The following SMNDC1 variants were observed in gnomAD, a reference collection of about 807,000 sequenced individuals.
SMNDC1 encodes survival of motor neuron-related-splicing factor 30.
Under a neutral mutation model 29.2 loss-of-function variants are expected in SMNDC1, and 5 were observed. The ratio of observed to expected loss-of-function variants is 0.17; its 90% CI spans 0.09 to 0.36. The LOEUF is 0.36. SMNDC1 is among the 10% of genes least tolerant of loss of function. The pLI, the probability that SMNDC1 is intolerant of heterozygous loss-of-function variation, is 1.00. For synonymous variants in SMNDC1, 80 were observed against 89.9 expected (o/e 0.89, Z 0.62); for missense variants, 142 against 268.5 (o/e 0.53, Z 3.29).
chr10:110,302,159 CCT>C (rs1857660758), intron 2 of SMNDC1, among the ~76,000 whole-genome samples: 1 of 152,146 alleles, frequency 6.6e-6, no homozygotes. Context: ...GGTCGGTGTG[CCT>C]CTGTTGCCTC....
At chr10:110,303,323 C>T in intron 2 of SMNDC1, 145 bp downstream of exon 2, 1 of 615,616 alleles carries the variant, frequency 1.6e-6, no homozygotes, top group East Asian at 3.1e-5. Flanking sequence ...GGAAGCAACC[C>T]TACTTCTACA....
In SMNDC1 at chr10:110,292,545, T is replaced by G. The variant is rs1357829970; in HGVS notation, c.*1605A>C. On this transcript the variant is annotated 3_prime_UTR_variant, in exon 6 of 6. Transcript: ENST00000369603. ...AATCCATCAAGGCTACTCTTGATTA[T>G]TGATAAGCTCTTAAGATGTTACAAT... 6.6e-6 allele frequency: 1 copy of G among 152,222 alleles called. No homozygotes were observed. Among genetic ancestry groups the G allele is most frequent in the Non-Finnish European group, 1.5e-5 (1 of 68,036 alleles). The allele number at this position is 152,222 out of a possible 1,614,324, so 9.4% of individuals were successfully genotyped here. A position where few individuals can be genotyped will look rare whatever the true frequency, so the allele number is the denominator to read the frequency against.
At chr10:110,302,321 T>A (rs1467448557) in intron 2 of SMNDC1, among the ~76,000 whole-genome samples, 1 of 152,218 alleles carries the variant, frequency 6.6e-6, no homozygotes, top group East Asian at 1.9e-4. Context: ...CCCACAGGCC[T>A]GGCTTCTACG....
chr10:110,303,837 G>T (rs1001086216), intron 1 of SMNDC1: 6 of 401,022 alleles, frequency 1.5e-5, no homozygotes, highest in Non-Finnish European at 2.6e-5. Flanking sequence ...CAGATACAAA[G>T]AAATTTCTAA....
At chr10:110,299,446 G>A (rs990318555) in intron 2 of SMNDC1, among the ~76,000 whole-genome samples, 5 of 152,136 alleles carry the variant, frequency 3.3e-5, no homozygotes, top group Non-Finnish European at 5.9e-5. Context: ...GGGAAAAAAA[G>A]GTAACACACA....
intron 5 of SMNDC1, among the ~76,000 whole-genome samples, chr10:110,294,901 C>A (rs1857544031): frequency 6.6e-6 from 1 of 152,160 alleles, no homozygotes; most frequent in Admixed American, 6.5e-5. Flanking sequence ...ACCAGTGATG[C>A]CCAGCATGAA....
intron 5 of SMNDC1, among the ~76,000 whole-genome samples, chr10:110,295,003 G>GAT (rs1564732672): frequency 6.6e-6 from 1 of 152,160 alleles, no homozygotes; most frequent in Admixed American, 6.5e-5. Flanking sequence ...AAAGAACATA[G>GAT]ACCTTTTGTA....
In SMNDC1 at chr10:110,298,628, G is replaced by GTT; in HGVS notation, c.263+18_263+19dup. ...TTTATTATTTCATGTTATAGTTAGA[G>GTT]TTTTTTTTTCTACACTTACTGTCCA... On this transcript the variant is annotated intron_variant, in intron 3 of 5. Coordinates refer to ENST00000369603, the MANE Select transcript of SMNDC1 (RefSeq NM_005871.4). 1 of 1,542,332 alleles carries GTT rather than the reference G, an allele frequency of 6.5e-7. No homozygotes were observed.
Position 110,295,638 on chromosome 10 carries a change from CT to C in SMNDC1, c.426-258del, listed in dbSNP as rs34495271. 4.6e-3 allele frequency among the ~76,000 whole-genome samples: 653 copies of C among 142,114 alleles called. 3 individuals are homozygous for C. Among genetic ancestry groups the C allele is most frequent in the African/African-American group, 0.012 (451 of 38,796 alleles). 93.2% of individuals were successfully genotyped at this position (142,114 alleles called of 152,430 possible). Reference sequence around the variant, plus strand: ...TATAAGGTAAATATTTCAACTATGCCTTTTTTTTTTTTTTGGCGACAAAGTC... The same window carrying C: ...TATAAGGTAAATATTTCAACTATGCCTTTTTTTTTTTTTGGCGACAAAGTC... On this transcript the variant is annotated intron_variant, in intron 4 of 5. Coordinates refer to ENST00000369603, the MANE Select transcript of SMNDC1 (RefSeq NM_005871.4).
In SMNDC1 at chr10:110,303,638, G is replaced by C. The variant is rs572055704; in HGVS notation, c.1-51C>G. 2.0e-6 allele frequency: 3 copies of C among 1,532,166 alleles called. No individual in the cohort carries two copies. The Admixed American group carries it at 7.5e-5, about 38-fold the overall frequency. 94.9% of individuals were successfully genotyped at this position (1,532,166 alleles called of 1,614,324 possible). On this transcript the variant is annotated intron_variant, in intron 1 of 5. Transcript: ENST00000369603. ...CATGAAAACTAAACCAAAAATCAAG[G>C]CATAAAAAACTAACTCCCCTGTCTG...
rs1857504459 is a variant in SMNDC1, at chr10:110,291,957, A to G, written c.*2193T>C. On this transcript the variant is annotated 3_prime_UTR_variant, in exon 6 of 6. Coordinates refer to ENST00000369603, the MANE Select transcript of SMNDC1 (RefSeq NM_005871.4). ...AATATTTAACATTTCAGTCTGTCAC[A>G]GTTTCAAAGCTTCAAGTCTCCTTTC... 6.6e-6 allele frequency: 1 copy of G among 152,220 alleles called. No homozygotes were observed. Among genetic ancestry groups the G allele is most frequent in the African/African-American group, 2.4e-5 (1 of 41,462 alleles). The allele number at this position is 152,220 out of a possible 1,614,324, so 9.4% of individuals were successfully genotyped here.
At chr10:110,301,039 T>C (rs994741852) in intron 2 of SMNDC1, among the ~76,000 whole-genome samples, 2 of 152,212 alleles carry the variant, frequency 1.3e-5, no homozygotes, top group Non-Finnish European at 2.9e-5. Flanking sequence ...AAAAAGCATT[T>C]TGTCATAAAA....
intron 5 of SMNDC1, among the ~76,000 whole-genome samples, chr10:110,294,844 A>G (rs1857542773): frequency 1.3e-5 from 2 of 152,214 alleles, no homozygotes; most frequent in Non-Finnish European, 1.5e-5. Flanking sequence ...CAACACACAC[A>G]AGGTAAGTGT....
Position 110,291,844 on chromosome 10 carries a change from C to T in SMNDC1, c.*2306G>A, listed in dbSNP as rs936583788. The T allele has an allele frequency of 6.6e-6, 1 of 152,180 alleles. No homozygotes were observed. Among genetic ancestry groups the T allele is most frequent in the Non-Finnish European group, 1.5e-5 (1 of 68,034 alleles). 9.4% of individuals were successfully genotyped at this position (152,180 alleles called of 1,614,324 possible). ...ACATTTTATTTTCGGGAGGTTAGGA[C>T]TGTTCTTTCCTTGAAATGGTAACAA... On this transcript the variant is annotated 3_prime_UTR_variant, in exon 6 of 6. Coordinates refer to ENST00000369603, the MANE Select transcript of SMNDC1 (RefSeq NM_005871.4).
chr10:110,295,351 A>C lies in SMNDC1; in HGVS notation c.456T>G (p.Tyr152Ter), dbSNP rs1401917089. Reference sequence around the variant, plus strand: ...CTTTTTTCAAAGCTTTCTTCTTTTTATATTCACGCTGCTGGGCAATCATTT... The same window carrying C: ...CTTTTTTCAAAGCTTTCTTCTTTTTCTATTCACGCTGCTGGGCAATCATTT... The part of the protein sequence containing the change: ...KKEMIAQQRE[Y>*]KKKKALKKAQ... Residue 152 changes from tyrosine (Y) to a stop codon, truncating the protein, a stop_gained, in exon 5 of 6, where the codon TAT becomes TAG. Transcript: ENST00000369603. LOFTEE classifies it high-confidence loss of function. 1 of 1,602,396 alleles carries C rather than the reference A, an allele frequency of 6.2e-7. No individual in the cohort carries two copies.
rs1857516641 is a variant in SMNDC1, at chr10:110,293,028, G to GTT, written c.*1120_*1121dup. ...TGACAGCTAAAGACTTTACCCTTTT[G>GTT]TTAACACACCCTGGAGATTTTAAAA... On this transcript the variant is annotated 3_prime_UTR_variant, in exon 6 of 6. Coordinates refer to ENST00000369603, the MANE Select transcript of SMNDC1 (RefSeq NM_005871.4). 6.6e-6 allele frequency: 1 copy of GTT among 152,102 alleles called. No individual in the cohort carries two copies. Among genetic ancestry groups the GTT allele is most frequent in the Admixed American group, 6.5e-5 (1 of 15,270 alleles). 9.4% of individuals were successfully genotyped at this position (152,102 alleles called of 1,614,324 possible).
chr10:110,302,068 C>G (rs1857658810), intron 2 of SMNDC1, among the ~76,000 whole-genome samples: 1 of 152,174 alleles, frequency 6.6e-6, no homozygotes, highest in Non-Finnish European at 1.5e-5. Flanking sequence ...TAAAAAAGGA[C>G]TGCTTAAGTT....
rs575870377 is a variant in SMNDC1, at chr10:110,298,695, T to C, written c.216A>G (p.Ser72=). 6.2e-6 allele frequency: 10 copies of C among 1,613,424 alleles called. No homozygotes were observed. The Admixed American group carries it at 1.5e-4, about 24-fold the overall frequency. The part of the protein sequence containing the change: ...DSFASTQPTH[S]WKVGDKCMAV... Reference sequence around the variant, plus strand: ...CCATACACTTGTCTCCTACTTTCCATGAATGAGTAGGTTGAGTAGAAGCAA... The same window carrying C: ...CCATACACTTGTCTCCTACTTTCCACGAATGAGTAGGTTGAGTAGAAGCAA... Residue 72 remains serine, a synonymous_variant, in exon 3 of 6, where the codon TCA becomes TCG. Transcript: ENST00000369603.
rs1182710962 is a variant in SMNDC1, at chr10:110,293,423, A to G, written c.*727T>C. The G allele has an allele frequency of 6.6e-6, 1 of 152,586 alleles. No homozygotes were observed. The highest frequency in any genetic ancestry group is 1.5e-5 in the Non-Finnish European group (1 of 68,020). 9.5% of individuals were successfully genotyped at this position (152,586 alleles called of 1,614,324 possible). ...ACATCAGCTTTTTGTTCTCCCATAT[A>G]AACATCACACATCCAAAACATGGTA... On this transcript the variant is annotated 3_prime_UTR_variant, in exon 6 of 6. Transcript: ENST00000369603.
Sources: allele counts gnomAD v4.1 joint callset (sites outside exome capture counted in the v4.1 genomes callset), GRCh38; gene constraint gnomAD v4.1.1; transcripts MANE v1.5; gene names NCBI Gene and HGNC (gene_info 2026-07-23, HGNC 2026-07-21).